Variants in LAMTOR3 observed in about 807,000 individuals in gnomAD.
LAMTOR3 encodes ragulator complex protein LAMTOR3.
In LAMTOR3, 14 loss-of-function variants were observed where a neutral mutation model predicts 20.3. The ratio of observed to expected loss-of-function variants is 0.69; its 90% CI spans 0.46 to 1.08. The LOEUF is 1.08. Ranked by LOEUF, LAMTOR3 falls within the 50% of genes least tolerant of loss-of-function variation. The pLI is 0.00. For synonymous variants in LAMTOR3, 40 were observed against 49.4 expected (o/e 0.81, Z 0.80); for missense variants, 125 against 143.7 (o/e 0.87, Z 0.67).
intron 2 of LAMTOR3, 28 bp downstream of exon 2, chr4:99,893,927 C>T: frequency 1.4e-6 from 2 of 1,479,954 alleles, no homozygotes; most frequent in Non-Finnish European, 9.1e-7. Flanking sequence ...CCACTCTCCC[C>T]TTCCTCTTAT....
At chr4:99,883,176 C>A (rs912421409) in intron 6 of LAMTOR3, among the ~76,000 whole-genome samples, 4 of 152,040 alleles carry the variant, frequency 2.6e-5, no homozygotes, top group African/African-American at 9.6e-5. Context: ...AGTGTTTTTA[C>A]ATACAGTATT....
At chr4:99,888,412 T>G (rs1724966220) in intron 3 of LAMTOR3, among the ~76,000 whole-genome samples, 1 of 152,208 alleles carries the variant, frequency 6.6e-6, no homozygotes, top group Non-Finnish European at 1.5e-5. Context: ...CCTGGGAAAT[T>G]AGCAATTAAG....
intron 2 of LAMTOR3, among the ~76,000 whole-genome samples, chr4:99,893,680 T>C (rs1725067239): frequency 6.6e-6 from 1 of 152,226 alleles, no homozygotes; most frequent in Non-Finnish European, 1.5e-5. Flanking sequence ...GCCTCTCTTA[T>C]GCCCCAGCTG....
At chr4:99,891,681 G>T (rs1160132901) in intron 3 of LAMTOR3, among the ~76,000 whole-genome samples, 3 of 152,264 alleles carry the variant, frequency 2.0e-5, no homozygotes, top group African/African-American at 7.2e-5. Context: ...GAAATGAAAA[G>T]TAATAATGCT....
In LAMTOR3 at chr4:99,879,424, T is replaced by C. The variant is rs1724776943; in HGVS notation, c.*2570A>G. ...TGTAAAGGTTAAGTAGCTCCATTTGTTATCATTTCTTTTTCTAGGATTTTT... is the reference window on the plus strand; with the variant it reads ...TGTAAAGGTTAAGTAGCTCCATTTGCTATCATTTCTTTTTCTAGGATTTTT... On this transcript the variant is annotated 3_prime_UTR_variant, in exon 7 of 7. Coordinates refer to ENST00000499666, the MANE Select transcript of LAMTOR3 (RefSeq NM_021970.4). 6.6e-6 allele frequency: 1 copy of C among 152,210 alleles called. No homozygotes were observed. The highest frequency in any genetic ancestry group is 2.4e-5 in the African/African-American group (1 of 41,446). The allele number at this position is 152,210 out of a possible 1,614,324, so 9.4% of individuals were successfully genotyped here. A position where few individuals can be genotyped will look rare whatever the true frequency, so the allele number is the denominator to read the frequency against.
chr4:99,884,169 A>G, intron 5 of LAMTOR3, 44 bp from the exon 6 acceptor site: 2 of 1,445,226 alleles, frequency 1.4e-6, no homozygotes, highest in South Asian at 2.3e-5. Flanking sequence ...CATTATGAAA[A>G]GGTAGTATAA....
chr4:99,881,328 C>T lies in LAMTOR3; in HGVS notation c.*666G>A, dbSNP rs1268354837. On this transcript the variant is annotated 3_prime_UTR_variant, in exon 7 of 7. Transcript: ENST00000499666. ...AATTGTATTTAAATTTTATGAAGAA[C>T]ACACAAACATTAAAACACTGATTGG... The T allele has an allele frequency of 2.0e-5, 3 of 152,018 alleles. No individual in the cohort carries two copies. Among genetic ancestry groups the T allele is most frequent in the Admixed American group, 6.5e-5 (1 of 15,272 alleles). 9.4% of individuals were successfully genotyped at this position (152,018 alleles called of 1,614,324 possible). A position where few individuals can be genotyped will look rare whatever the true frequency, so the allele number is the denominator to read the frequency against.
chr4:99,893,943 G>T lies in LAMTOR3; in HGVS notation c.9+12C>A. ...CACTCTCCCCTTCCTCTTATGTAGG[G>T]GTGTCACTCACATCCGCCATGATGA... On this transcript the variant is annotated intron_variant, in intron 2 of 6. Transcript: ENST00000499666. 1 of 1,533,676 alleles carries T rather than the reference G, an allele frequency of 6.5e-7. No individual in the cohort carries two copies. Among genetic ancestry groups the T allele is most frequent in the South Asian group, 1.2e-5 (1 of 80,320 alleles).
intron 3 of LAMTOR3, among the ~76,000 whole-genome samples, chr4:99,888,095 T>C (rs1724961593): frequency 6.6e-6 from 1 of 152,220 alleles, no homozygotes. Context: ...TAAGAAGTAG[T>C]AAGCAGAACG....
intron 3 of LAMTOR3, 55 bp downstream of exon 3, chr4:99,891,945 A>G (rs529371858): frequency 6.5e-7 from 1 of 1,535,394 alleles, no homozygotes; most frequent in South Asian, 1.3e-5. Context: ...AATGCTTCAT[A>G]AAATTAACAT....
At chr4:99,890,654 C>T (rs1725005738) in intron 3 of LAMTOR3, among the ~76,000 whole-genome samples, 1 of 151,682 alleles carries the variant, frequency 6.6e-6, no homozygotes, top group Non-Finnish European at 1.5e-5. Context: ...AGTACTAATA[C>T]CTTTCCTGCC....
intron 2 of LAMTOR3, 43 bp downstream of exon 2, chr4:99,893,912 A>G: frequency 7.0e-7 from 1 of 1,425,692 alleles, no homozygotes; most frequent in Admixed American, 2.3e-5. Context: ...GCCCCTCAAA[A>G]TTCCCCACTC....
chr4:99,893,784 T>G (rs1578205712), intron 2 of LAMTOR3, among the ~76,000 whole-genome samples, 171 bp downstream of exon 2: 2 of 152,058 alleles, frequency 1.3e-5, no homozygotes, highest in African/African-American at 4.8e-5. Flanking sequence ...TCCTGCAAAT[T>G]CATTCATATT....
Position 99,881,973 on chromosome 4 carries a change from C to T in LAMTOR3, c.*21G>A, listed in dbSNP as rs371667534. 1.5e-5 allele frequency: 22 copies of T among 1,495,716 alleles called. No individual in the cohort carries two copies. The highest frequency in any genetic ancestry group is 2.0e-5 in the Non-Finnish European group (22 of 1,075,852). 92.7% of individuals were successfully genotyped at this position (1,495,716 alleles called of 1,614,324 possible). A position where few individuals can be genotyped will look rare whatever the true frequency, so the allele number is the denominator to read the frequency against. ...GTGTTGTTATAATGAAGATAAGGTA[C>T]ACACTGAAACCACTGTCAGATTAAG... is the stretch of plus-strand genomic sequence containing the variant. On this transcript the variant is annotated 3_prime_UTR_variant, in exon 7 of 7. Coordinates refer to ENST00000499666, the MANE Select transcript of LAMTOR3 (RefSeq NM_021970.4).
In LAMTOR3 at chr4:99,892,015, T is replaced by A; in HGVS notation, c.29A>T (p.Tyr10Phe). The change falls in exon 3 of 7, where the codon TAT (tyrosine) becomes TTT (phenylalanine). Residue 10 changes from tyrosine to phenylalanine, a missense_variant. By Grantham distance (22) the Tyr-to-Phe change is conservative. This residue lies in a region of LAMTOR3 where 99 missense variants were observed against 96.0 expected (regional missense o/e 1.03). Transcript: ENST00000499666. ...AATTTCTTACCTTGGTAACTTTTTATACAAGAATCGCTTTAGGTCCTGAAA... is the reference window on the plus strand; with the variant it reads ...AATTTCTTACCTTGGTAACTTTTTAAACAAGAATCGCTTTAGGTCCTGAAA... MADDLKRFL[Y>F]KKLPSVEGLH... 1 of 1,571,680 alleles carries A rather than the reference T, an allele frequency of 6.4e-7. No individual in the cohort carries two copies. Among genetic ancestry groups the A allele is most frequent in the Non-Finnish European group, 8.6e-7 (1 of 1,165,294 alleles).
At chr4:99,888,827 A>G (rs1437093459) in intron 3 of LAMTOR3, among the ~76,000 whole-genome samples, 1 of 152,246 alleles carries the variant, frequency 6.6e-6, no homozygotes, top group Non-Finnish European at 1.5e-5. Flanking sequence ...TGACTTTTAT[A>G]CTATTTTTAT....
chr4:99,884,061 C>G lies in LAMTOR3; in HGVS notation c.301+1G>C. The stretch of plus-strand genomic sequence containing the variant: ...GTGATATTTAAGGTCATTAAACACA[C>G]CTGTATTGGCACTGCTGCTGGCTAT... On this transcript the variant is annotated splice_donor_variant, in intron 6 of 6. Coordinates refer to ENST00000499666, the MANE Select transcript of LAMTOR3 (RefSeq NM_021970.4). LOFTEE classifies it high-confidence loss of function. 6.3e-7 allele frequency: 1 copy of G among 1,597,192 alleles called. No individual in the cohort carries two copies. Among genetic ancestry groups the G allele is most frequent in the African/African-American group, 1.3e-5 (1 of 74,510 alleles).
chr4:99,890,862 T>G (rs1725009367), intron 3 of LAMTOR3, among the ~76,000 whole-genome samples: 1 of 152,208 alleles, frequency 6.6e-6, no homozygotes, highest in South Asian at 2.1e-4. Flanking sequence ...ATACTTTTGG[T>G]ATTATTCTCT....
Position 99,878,543 on chromosome 4 carries a change from G to A in LAMTOR3, c.*3451C>T, listed in dbSNP as rs2110176735. 6.6e-6 allele frequency: 1 copy of A among 152,216 alleles called. No homozygotes were observed. Among genetic ancestry groups the A allele is most frequent in the Middle Eastern group, 3.4e-3 (1 of 294 alleles). 9.4% of individuals were successfully genotyped at this position (152,216 alleles called of 1,614,324 possible). On this transcript the variant is annotated 3_prime_UTR_variant, in exon 7 of 7. Transcript: ENST00000499666. ...CCTTGGAGACTACCAATGTGATCAGGTTCTTCCATATATGTCTTCAGAGAC... is the reference window on the plus strand; with the variant it reads ...CCTTGGAGACTACCAATGTGATCAGATTCTTCCATATATGTCTTCAGAGAC...
Sources: gnomAD v4.1 joint callset for allele counts (sites outside exome capture counted in the v4.1 genomes callset) on GRCh38, gnomAD v4.1.1 for gene constraint, gnomAD v4.1.1 regional missense constraint, MANE v1.5 for transcripts, NCBI Gene and HGNC (gene_info 2026-07-23, HGNC 2026-07-21) for gene names.